Variants in EDN2 observed in about 807,000 individuals in gnomAD.
The protein encoded by EDN2 is endothelin-2.
In EDN2, 10 loss-of-function variants were observed where a neutral mutation model predicts 19.9. The ratio of observed to expected loss-of-function variants is 0.50; its 90% CI spans 0.31 to 0.85. The LOEUF (loss-of-function observed/expected upper bound fraction) is 0.85. Ranked by LOEUF, EDN2 falls within the 40% of genes least tolerant of loss-of-function variation. The pLI is 0.05. For synonymous variants in EDN2, 84 were observed against 94.9 expected (o/e 0.89, Z 0.67); for missense variants, 222 against 239.3 (o/e 0.93, Z 0.48).
chr1:41,479,957 C>A (rs1408517328), intron 4 of EDN2, among the ~76,000 whole-genome samples: 1 of 152,234 alleles, frequency 6.6e-6, no homozygotes, highest in African/African-American at 2.4e-5. Flanking sequence ...CCCCGCTGCC[C>A]TTTGAACCTG....
rs1268544224 is a variant in EDN2, at chr1:41,483,976, C to A, written c.221+71G>T. On this transcript the variant is annotated intron_variant, in intron 2 of 4. Transcript: ENST00000372587. The stretch of plus-strand genomic sequence containing the variant: ...GATGGAATGTGTCAACGTTCCCTAG[C>A]ATGCCAGTAGCTTCCACCCTGACAC... The A allele has an allele frequency of 4.0e-6, 6 of 1,482,386 alleles. No homozygotes were observed. The African/African-American group carries it at 8.4e-5, about 21-fold the overall frequency. 91.8% of individuals were successfully genotyped at this position (1,482,386 alleles called of 1,614,324 possible).
chr1:41,482,274 G>A (rs1248137252), intron 3 of EDN2, among the ~76,000 whole-genome samples, 192 bp downstream of exon 3: 12 of 152,248 alleles, frequency 7.9e-5, no homozygotes, highest in Non-Finnish European at 1.6e-4. Context: ...GGCACCGGGA[G>A]GCCCCCATGG....
Position 41,481,302 on chromosome 1 carries a change from G to A in EDN2, c.345-109C>T, listed in dbSNP as rs1644245706. 5 of 814,256 alleles carry A rather than the reference G, an allele frequency of 6.1e-6. No individual in the cohort carries two copies. In the South Asian group the frequency reaches 6.7e-5, roughly 11 times the overall value. 50.4% of individuals were successfully genotyped at this position (814,256 alleles called of 1,614,324 possible). On this transcript the variant is annotated intron_variant, in intron 3 of 4. Transcript: ENST00000372587. Reference sequence around the variant, plus strand: ...CCCTTCCCCATCCCCACCTGCCTGCGGGAGCAGATCCATTTCCACCCCTGT... The same window carrying A: ...CCCTTCCCCATCCCCACCTGCCTGCAGGAGCAGATCCATTTCCACCCCTGT...
chr1:41,479,480 G>C lies in EDN2; in HGVS notation c.466C>G (p.Leu156Val). 6.2e-7 allele frequency: 1 copy of C among 1,614,166 alleles called. No homozygotes were observed. Among genetic ancestry groups the C allele is most frequent in the East Asian group, 2.2e-5 (1 of 44,890 alleles). ...GCCTCCTGTTGTCGCTTGGCAAAGAGGCTCTTGACTGTGGAAATGTCCCTG... is the reference window on the plus strand; with the variant it reads ...GCCTCCTGTTGTCGCTTGGCAAAGACGCTCTTGACTGTGGAAATGTCCCTG... ...RLRDISTVKS[L>V]FAKRQQEAMR... The change falls in exon 5 of 5, where the codon CTC (leucine) becomes GTC (valine). Residue 156 changes from leucine to valine, a missense_variant. Transcript: ENST00000372587.
chr1:41,484,051 G>A lies in EDN2; in HGVS notation c.217C>T (p.Pro73Ser). ...CHLDIIWVNT[P>S]EQTAPYGLGN... ...CCAATCCCCATGGATGCTCACTCAG[G>A]AGTGTTCACCCAGATGATGTCCAAG... Residue 73 changes from proline to serine, a missense_variant, in exon 2 of 5, where the codon CCT becomes TCT. By Grantham distance (74) the Pro-to-Ser change is moderately conservative (BLOSUM62 -1). Transcript: ENST00000372587. 6.2e-7 allele frequency: 1 copy of A among 1,604,490 alleles called. No individual in the cohort carries two copies.
At chr1:41,482,233 A>C (rs903619708) in intron 3 of EDN2, among the ~76,000 whole-genome samples, 2 of 152,302 alleles carry the variant, frequency 1.3e-5, no homozygotes, top group African/African-American at 4.8e-5. Context: ...AGGAGTGAGG[A>C]CATGAGTGTT....
At position 41,484,223 on chromosome 1, in the gene EDN2, AGAGAGGTG is replaced by A. The variant is rs1318830448; in HGVS notation, c.65-28_65-21del. ...CCTTCCCTGCATGCACAGGAGGGAG[AGAGAGGTG>A]GAGAGGTGGGTTGGGGTGCCTGGCA... is the stretch of plus-strand genomic sequence containing the variant. On this transcript the variant is annotated intron_variant, in intron 1 of 4. Coordinates refer to ENST00000372587, the MANE Select transcript of EDN2 (RefSeq NM_001956.5). 1 of 1,607,250 alleles carries A rather than the reference AGAGAGGTG, an allele frequency of 6.2e-7. No homozygotes were observed. The highest frequency in any genetic ancestry group is 1.1e-5 in the South Asian group (1 of 90,686).
In EDN2 at chr1:41,479,298, G is replaced by C. The variant is rs780301840; in HGVS notation, c.*111C>G. The C allele has an allele frequency of 2.1e-6, 2 of 957,178 alleles. No individual in the cohort carries two copies. Among genetic ancestry groups the C allele is most frequent in the South Asian group, 2.8e-5 (2 of 72,596 alleles). 59.3% of individuals were successfully genotyped at this position (957,178 alleles called of 1,614,324 possible). A position where few individuals can be genotyped will look rare whatever the true frequency, so the allele number is the denominator to read the frequency against. On this transcript the variant is annotated 3_prime_UTR_variant, in exon 5 of 5. Transcript: ENST00000372587. ...TCCTGGCAAATGGGTCCAGCTGTCT[G>C]GGACCAAGGCCCCGGTCCAGGAAGC...
At chr1:41,479,839 C>G (rs1004524652) in intron 4 of EDN2, among the ~76,000 whole-genome samples, 3 of 152,246 alleles carry the variant, frequency 2.0e-5, no homozygotes. Context: ...TTTGCTCCTG[C>G]TCTTCCCTCC....
chr1:41,480,110 C>T (rs1644234586), intron 4 of EDN2, among the ~76,000 whole-genome samples: 1 of 152,236 alleles, frequency 6.6e-6, no homozygotes, highest in South Asian at 2.1e-4. Flanking sequence ...CAGGCCTGAA[C>T]TGCTGAGAAT....
At chr1:41,484,421 C>G in intron 1 of EDN2, 117 bp downstream of exon 1, 1 of 1,412,972 alleles carries the variant, frequency 7.1e-7, no homozygotes, top group Non-Finnish European at 9.6e-7. Context: ...ACCACTGCCG[C>G]CAGGCTCCCG....
chr1:41,484,092 C>T lies in EDN2; in HGVS notation c.176G>A (p.Cys59Tyr). ...GATGTCCAAGTGGCAGAAGTAGACG[C>T]ACTCCTTGTCGAGCCAGGAGCTGCA... ...CSCSSWLDKE[C>Y]VYFCHLDIIW... The change falls in exon 2 of 5, where the codon TGC becomes TAC. Residue 59 changes from cysteine (C) to tyrosine (Y), a missense_variant. By Grantham distance (194) the Cys-to-Tyr change is radical. Coordinates refer to ENST00000372587, the MANE Select transcript of EDN2 (RefSeq NM_001956.5). 1.2e-6 allele frequency: 2 copies of T among 1,613,384 alleles called. No individual in the cohort carries two copies. Among genetic ancestry groups the T allele is most frequent in the Non-Finnish European group, 1.7e-6 (2 of 1,179,834 alleles).
intron 1 of EDN2, 35 bp from the exon 2 acceptor site, chr1:41,484,238 T>G: frequency 1.9e-6 from 3 of 1,600,152 alleles, no homozygotes; most frequent in Non-Finnish European, 1.7e-6. Context: ...GGTGGAGAGG[T>G]GGGTTGGGGT....
chr1:41,481,184 G>A lies in EDN2; in HGVS notation c.354C>T (p.Ala118=), dbSNP rs751344278. The A allele has an allele frequency of 1.4e-5, 22 of 1,613,692 alleles. No individual in the cohort carries two copies. The Admixed American group carries it at 2.8e-4, about 21-fold the overall frequency. Residue 118 remains alanine, a synonymous_variant, in exon 4 of 5, where the codon GCC becomes GCT. Coordinates refer to ENST00000372587, the MANE Select transcript of EDN2 (RefSeq NM_001956.5). The part of the protein sequence containing the change: ...TFCLRRPWTE[A]GAVPSRKSPA... ...GGGACTTCCGGCTTGGGACTGCCCC[G>A]GCTTCAGTCCTACGTGAATAGCATT...
In EDN2 at chr1:41,481,176, A is replaced by G. The variant is rs573981830; in HGVS notation, c.362T>C (p.Val121Ala). ...LRRPWTEAGA[V>A]PSRKSPADVF... ...GTCTGCAGGGGACTTCCGGCTTGGG[A>G]CTGCCCCGGCTTCAGTCCTACGTGA... Residue 121 changes from valine (V) to alanine (A), a missense_variant, in exon 4 of 5, where the codon GTC becomes GCC. By Grantham distance (64) the Val-to-Ala change is moderately conservative. Transcript: ENST00000372587. 6.2e-7 allele frequency: 1 copy of G among 1,613,862 alleles called. No homozygotes were observed. Among genetic ancestry groups the G allele is most frequent in the Admixed American group, 1.7e-5 (1 of 60,012 alleles).
chr1:41,479,995 A>AACTCT (rs1279808259), intron 4 of EDN2, among the ~76,000 whole-genome samples: 2 of 152,148 alleles, frequency 1.3e-5, no homozygotes, highest in Non-Finnish European at 2.9e-5. Context: ...TGGCTCAAAG[A>AACTCT]ACTCTAAACT....
At chr1:41,482,043 G>C (rs11572359) in intron 3 of EDN2, among the ~76,000 whole-genome samples, 1 of 152,132 alleles carries the variant, frequency 6.6e-6, no homozygotes, top group Non-Finnish European at 1.5e-5. Context: ...TTTCTTCCCC[G>C]AGCAAGCTCC....
At chr1:41,482,168 C>T (rs1057154594) in intron 3 of EDN2, among the ~76,000 whole-genome samples, 1 of 152,242 alleles carries the variant, frequency 6.6e-6, no homozygotes, top group Admixed American at 6.5e-5. Context: ...ACGTGTCCTG[C>T]CCCCTCTCTG....
At chr1:41,484,257 C>G in intron 1 of EDN2, 54 bp from the exon 2 acceptor site, 3 of 1,588,308 alleles carry the variant, frequency 1.9e-6, no homozygotes, top group South Asian at 1.1e-5. Context: ...GTGCCTGGCA[C>G]ATCCCAGAGT....
Sources: gnomAD v4.1 joint callset for allele counts (sites outside exome capture counted in the v4.1 genomes callset) on GRCh38, gnomAD v4.1.1 for gene constraint, MANE v1.5 for transcripts, NCBI Gene and HGNC (gene_info 2026-07-23, HGNC 2026-07-21) for gene names.